Variants in MYO5C observed in about 807,000 individuals in gnomAD.
MYO5C encodes myosin VC.
In MYO5C, 194 loss-of-function variants were observed where a neutral mutation model predicts 235.7. That is an observed-to-expected ratio of 0.82 (90% CI 0.73 to 0.93). The LOEUF is 0.93. Among genes scored for constraint, MYO5C ranks in the 40% least tolerant of loss-of-function variants. The probability of loss-of-function intolerance (pLI) is 0.00; values close to 1 mark genes in which losing one functional copy is unlikely to be tolerated. For synonymous variants in MYO5C, 707 were observed against 754.8 expected (o/e 0.94, Z 1.04); for missense variants, 2,038 against 2,127.2 (o/e 0.96, Z 0.82).
intron 20 of MYO5C, among the ~76,000 whole-genome samples, chr15:52,241,220 C>G (rs938800420): frequency 5.5e-5 from 8 of 145,788 alleles, no homozygotes; most frequent in Non-Finnish European, 1.0e-4. Flanking sequence ...TGAGAGCTCT[C>G]TACAGTCTGT....
chr15:52,256,599 G>GCGCGCA, intron 11 of MYO5C, 40 bp downstream of exon 11: 1 of 1,478,536 alleles, frequency 6.8e-7, no homozygotes, highest in Non-Finnish European at 9.2e-7. Context: ...GCGCGCGCGC[G>GCGCGCA]CGGCTGAGAA....
At chr15:52,223,787 G>A (rs2035756369) in intron 28 of MYO5C, 63 bp from the exon 29 acceptor site, 1 of 1,473,262 alleles carries the variant, frequency 6.8e-7, no homozygotes, top group African/African-American at 1.4e-5. Flanking sequence ...GGACTGCTGG[G>A]AGGCAGTTAT....
intron 32 of MYO5C, among the ~76,000 whole-genome samples, chr15:52,217,826 G>A (rs1180386222): frequency 1.3e-5 from 2 of 152,154 alleles, no homozygotes; most frequent in Non-Finnish European, 2.9e-5. Flanking sequence ...CACTGGACTC[G>A]TCAGCCCTCC....
intron 36 of MYO5C, 139 bp downstream of exon 36, chr15:52,208,415 G>A: frequency 1.5e-6 from 1 of 672,336 alleles, no homozygotes; most frequent in Non-Finnish European, 2.5e-6. Context: ...CCTGCCTGTG[G>A]TGTATGCCCA....
chr15:52,205,985 A>G lies in MYO5C; in HGVS notation c.4387-19T>C, dbSNP rs1427832099. On this transcript the variant is annotated intron_variant, in intron 36 of 40. Transcript: ENST00000261839. ...TGAATTCCTAAAAGTAATTTTAAAC[A>G]TAAAATATTAGAATAATACAAACAT... The G allele has an allele frequency of 1.4e-6, 2 of 1,417,974 alleles. No homozygotes were observed. Among genetic ancestry groups the G allele is most frequent in the Non-Finnish European group, 9.6e-7 (1 of 1,045,594 alleles). 87.8% of individuals were successfully genotyped at this position (1,417,974 alleles called of 1,614,324 possible).
At chr15:52,266,433 T>C (rs527505847) in intron 8 of MYO5C, among the ~76,000 whole-genome samples, 4 of 152,258 alleles carry the variant, frequency 2.6e-5, no homozygotes, top group South Asian at 2.1e-4. Context: ...AGGGACTTTT[T>C]AATCAAAATG....
At chr15:52,204,720 A>C (rs768855840) in intron 38 of MYO5C, 145 bp downstream of exon 38, 22 of 1,009,290 alleles carry the variant, frequency 2.2e-5, no homozygotes, top group Non-Finnish European at 3.1e-5. Context: ...CGGGGCTCCT[A>C]GGGTGACTCG....
At chr15:52,286,663 A>T (rs2037281221) in intron 1 of MYO5C, among the ~76,000 whole-genome samples, 1 of 152,160 alleles carries the variant, frequency 6.6e-6, no homozygotes, top group African/African-American at 2.4e-5. Flanking sequence ...GCTCTCTGAA[A>T]CATGTGCTGT....
intron 20 of MYO5C, among the ~76,000 whole-genome samples, chr15:52,240,117 A>G (rs898651859): frequency 1.3e-5 from 2 of 152,244 alleles, no homozygotes; most frequent in African/African-American, 2.4e-5. Context: ...CTTTATGCAG[A>G]AAAACAGTCT....
At chr15:52,238,887 C>T (rs550566489) in intron 21 of MYO5C, among the ~76,000 whole-genome samples, 4 of 151,854 alleles carry the variant, frequency 2.6e-5, no homozygotes, top group African/African-American at 7.3e-5. Context: ...GTGATCCACC[C>T]GCCTCAGCCT....
In MYO5C at chr15:52,193,430, G is replaced by C. The variant is rs1451177986; in HGVS notation, c.*472C>G. On this transcript the variant is annotated 3_prime_UTR_variant, in exon 41 of 41. Coordinates refer to ENST00000261839, the MANE Select transcript of MYO5C (RefSeq NM_018728.4). ...TCTGTCCCCAGCAGGCATGGGGCAA[G>C]AGAACTTTTGGCAGGTCACGGTGGC... The C allele has an allele frequency of 2.6e-5, 4 of 152,882 alleles. No homozygotes were observed. The East Asian group carries it at 5.8e-4, about 22-fold the overall frequency. 9.5% of individuals were successfully genotyped at this position (152,882 alleles called of 1,614,324 possible). A position where few individuals can be genotyped will look rare whatever the true frequency, so the allele number is the denominator to read the frequency against.
chr15:52,194,872 G>T (rs995404661), intron 40 of MYO5C, among the ~76,000 whole-genome samples: 3 of 152,036 alleles, frequency 2.0e-5, no homozygotes, highest in Admixed American at 6.6e-5. Context: ...AAAATCCACA[G>T]ATACCTACTT....
chr15:52,199,530 T>C (rs1820670683), intron 38 of MYO5C, among the ~76,000 whole-genome samples: 1 of 152,072 alleles, frequency 6.6e-6, no homozygotes, highest in Admixed American at 6.5e-5. Flanking sequence ...ACTTTTCCCC[T>C]CTGCTATTCA....
Position 52,246,025 on chromosome 15 carries a change from A to G in MYO5C, c.1997T>C (p.Ile666Thr), listed in dbSNP as rs1402795053. Residue 666 changes from isoleucine to threonine, a missense_variant, in exon 17 of 41, where the codon ATT becomes ACT. Physicochemically the swap from Ile to Thr is moderately conservative, Grantham distance 89 (BLOSUM62 -1). Transcript: ENST00000261839. ...GCCGCAGGCTCGCAGCTGCTGAACAATTCTTTTGGAGTCAAATCTTTAAAA... is the reference window on the plus strand; with the variant it reads ...GCCGCAGGCTCGCAGCTGCTGAACAGTTCTTTTGGAGTCAAATCTTTAAAA... ...KLPFEFDSKRIVQQLRACGVL... is the reference protein window; with the variant it reads ...KLPFEFDSKRTVQQLRACGVL... 2 of 1,614,134 alleles carry G rather than the reference A, an allele frequency of 1.2e-6. No homozygotes were observed. Among genetic ancestry groups the G allele is most frequent in the East Asian group, 2.2e-5 (1 of 44,888 alleles).
intron 1 of MYO5C, among the ~76,000 whole-genome samples, chr15:52,289,482 C>T (rs887459614): frequency 6.6e-6 from 1 of 152,206 alleles, no homozygotes; most frequent in Admixed American, 6.5e-5. Flanking sequence ...GTGCTGGGCA[C>T]CCCTCTGTGT....
Position 52,211,799 on chromosome 15 carries a change from A to C in MYO5C, c.4227T>G (p.Ser1409=). 2 of 1,614,196 alleles carry C rather than the reference A, an allele frequency of 1.2e-6. No homozygotes were observed. Among genetic ancestry groups the C allele is most frequent in the Non-Finnish European group, 1.7e-6 (2 of 1,180,006 alleles). Reference sequence around the variant, plus strand: ...ACTTCAGCATGTTGGCATCATTCAGAGAGTCTGCGTAGCGCACACACATGA... The same window carrying C: ...ACTTCAGCATGTTGGCATCATTCAGCGAGTCTGCGTAGCGCACACACATGA... ...ILFMCVRYAD[S]LNDANMLKSL... is the part of the protein sequence containing the mutation. Residue 1409 remains serine, a synonymous_variant, in exon 35 of 41, where the codon TCT becomes TCG. Transcript: ENST00000261839.
intron 21 of MYO5C, among the ~76,000 whole-genome samples, chr15:52,238,119 G>A (rs1229655026): frequency 6.6e-6 from 1 of 152,178 alleles, no homozygotes; most frequent in Non-Finnish European, 1.5e-5. Context: ...TGTGAAGACA[G>A]AGGGAGGTGG....
At chr15:52,202,107 T>C (rs2043639204) in intron 38 of MYO5C, among the ~76,000 whole-genome samples, 1 of 152,182 alleles carries the variant, frequency 6.6e-6, no homozygotes, top group South Asian at 2.1e-4. Flanking sequence ...TTTGGAAGCA[T>C]AGATTCCAGC....
chr15:52,257,097 C>T (rs1295704704), intron 10 of MYO5C, among the ~76,000 whole-genome samples: 1 of 152,250 alleles, frequency 6.6e-6, no homozygotes, highest in Non-Finnish European at 1.5e-5. Flanking sequence ...TGTGTCAGAA[C>T]TTAGCTGCGA....
Sources: allele counts gnomAD v4.1 joint callset (sites outside exome capture counted in the v4.1 genomes callset), GRCh38; gene constraint gnomAD v4.1.1; transcripts MANE v1.5; gene names NCBI Gene and HGNC (gene_info 2026-07-23, HGNC 2026-07-21).